Variants in ZBED4 observed in about 807,000 individuals in gnomAD.
The protein encoded by ZBED4 is zinc finger BED domain-containing protein 4.
A neutral mutation model predicts 15.5 loss-of-function variants in ZBED4; 4 were observed. The ratio of observed to expected loss-of-function variants is 0.26; its 90% CI spans 0.13 to 0.59. ZBED4 has a LOEUF of 0.59. ZBED4 is among the 20% of genes least tolerant of loss of function. The pLI, the probability that ZBED4 is intolerant of heterozygous loss-of-function variation, is 0.90. For missense variants in ZBED4, 1,323 were observed against 1,461.8 expected (o/e 0.91, Z 1.55); for synonymous variants, 692 against 608.5 (o/e 1.14, Z -2.02).
At chr22:49,877,086 T>C (rs996325463) in intron 1 of ZBED4, among the ~76,000 whole-genome samples, 1 of 152,194 alleles carries the variant, frequency 6.6e-6, no homozygotes, top group African/African-American at 2.4e-5. Context: ...AGTGTGTTTA[T>C]GTAAAAGTAA....
At chr22:49,880,420 G>C (rs1373895428) in intron 1 of ZBED4, among the ~76,000 whole-genome samples, 2 of 152,242 alleles carry the variant, frequency 1.3e-5, no homozygotes, top group Non-Finnish European at 2.9e-5. Context: ...ACATGCTCGA[G>C]ACCACCGGGC....
In ZBED4 at chr22:49,864,629, C is replaced by T. The variant is rs145679274; in HGVS notation, c.-330+10640C>T. Among the ~76,000 whole-genome samples the T allele has an allele frequency of 8.9e-3, 1,357 of 152,222 alleles. 15 individuals carry two copies. The highest frequency in any genetic ancestry group is 0.013 in the Non-Finnish European group (900 of 68,002). On this transcript the variant is annotated intron_variant, in intron 1 of 1. Transcript: ENST00000216268. ...CCTGGGAGTTTGAGACCAGCCTCAG[C>T]AACCTAGTGAGACCCCCTCTCTACA...
intron 1 of ZBED4, among the ~76,000 whole-genome samples, chr22:49,869,236 G>T (rs1350455717): frequency 1.3e-5 from 2 of 152,094 alleles, no homozygotes; most frequent in Non-Finnish European, 2.9e-5. Flanking sequence ...TTTGATTCAC[G>T]TACACACATG....
chr22:49,868,966 A>G (rs2147516809), intron 1 of ZBED4, among the ~76,000 whole-genome samples: 1 of 151,906 alleles, frequency 6.6e-6, no homozygotes, highest in East Asian at 1.9e-4. Flanking sequence ...ACAAAAAAAA[A>G]AAAAAAAATT....
At chr22:49,857,626 CTG>C (rs1256494404) in intron 1 of ZBED4, among the ~76,000 whole-genome samples, 1 of 152,208 alleles carries the variant, frequency 6.6e-6, no homozygotes, top group South Asian at 2.1e-4. Flanking sequence ...TATTCTCACT[CTG>C]TCACTCAGGC....
chr22:49,871,301 A>G (rs1412065682), intron 1 of ZBED4, among the ~76,000 whole-genome samples: 1 of 150,538 alleles, frequency 6.6e-6, no homozygotes, highest in East Asian at 2.1e-4. Context: ...AGCCTGGCCA[A>G]TGTGGTGAAA....
Position 49,883,261 on chromosome 22 carries a change from G to A in ZBED4, c.-329-73G>A, listed in dbSNP as rs5769767. ...AGTTTTTTTCTATACATATTTAGGC[G>A]GATGGAGCCATGACGGTAGAGGTTA... On this transcript the variant is annotated intron_variant, in intron 1 of 1. Coordinates refer to ENST00000216268, the MANE Select transcript of ZBED4 (RefSeq NM_014838.3). 0.65 allele frequency: 100,724 copies of A among 155,724 alleles called. 36,810 individuals are homozygous for A. The highest frequency in any genetic ancestry group is 0.85 in the East Asian group (4,636 of 5,450). 9.6% of individuals were successfully genotyped at this position (155,724 alleles called of 1,614,324 possible).
chr22:49,857,693 G>A (rs1043347359), intron 1 of ZBED4, among the ~76,000 whole-genome samples: 7 of 152,206 alleles, frequency 4.6e-5, no homozygotes, highest in Non-Finnish European at 1.5e-5. Flanking sequence ...CTGGATTCAA[G>A]TGATTCTGCT....
In ZBED4 at chr22:49,883,644, G is replaced by C; in HGVS notation, c.-19G>C. The C allele has an allele frequency of 6.6e-7, 1 of 1,524,702 alleles. No homozygotes were observed. Among genetic ancestry groups the C allele is most frequent in the Non-Finnish European group, 8.9e-7 (1 of 1,128,682 alleles). 94.4% of individuals were successfully genotyped at this position (1,524,702 alleles called of 1,614,324 possible). On this transcript the variant is annotated 5_prime_UTR_variant, in exon 2 of 2. Transcript: ENST00000216268. Reference sequence around the variant, plus strand: ...TGTTTTATGAACCTAAGATACAGCCGGAGTAGTTATGGTCAGTCATGGAGA... The same window carrying C: ...TGTTTTATGAACCTAAGATACAGCCCGAGTAGTTATGGTCAGTCATGGAGA...
Position 49,887,298 on chromosome 22 carries a change from C to A in ZBED4, c.*120C>A. 2.7e-6 allele frequency: 3 copies of A among 1,092,404 alleles called. No individual in the cohort carries two copies. Among genetic ancestry groups the A allele is most frequent in the Non-Finnish European group, 3.9e-6 (3 of 764,828 alleles). The allele number at this position is 1,092,404 out of a possible 1,614,324, so 67.7% of individuals were successfully genotyped here. A position where few individuals can be genotyped will look rare whatever the true frequency, so the allele number is the denominator to read the frequency against. On this transcript the variant is annotated 3_prime_UTR_variant, in exon 2 of 2. Transcript: ENST00000216268. ...GACATCAGACCAGGCACTCTCAGGGCCGCTCTCCAGCTCACCACAGTGTCT... is the reference window on the plus strand; with the variant it reads ...GACATCAGACCAGGCACTCTCAGGGACGCTCTCCAGCTCACCACAGTGTCT...
At chr22:49,864,070 T>C (rs1457992840) in intron 1 of ZBED4, among the ~76,000 whole-genome samples, 1 of 152,192 alleles carries the variant, frequency 6.6e-6, no homozygotes, top group Non-Finnish European at 1.5e-5. Flanking sequence ...TTTTAAGGGC[T>C]TGGAAGTTTC....
chr22:49,860,337 A>G (rs1254541327), intron 1 of ZBED4, among the ~76,000 whole-genome samples: 1 of 152,172 alleles, frequency 6.6e-6, no homozygotes, highest in African/African-American at 2.4e-5. Context: ...ACATATATAT[A>G]GTTTTACTTA....
At position 49,890,012 on chromosome 22, in the gene ZBED4, T is replaced by C. The variant is rs2060460044; in HGVS notation, c.*2834T>C. ...TACCAGTCATTATACGAAGGGACTT[T>C]AAAAAATTTGTGGAAATACTGAAGT... On this transcript the variant is annotated 3_prime_UTR_variant, in exon 2 of 2. Coordinates refer to ENST00000216268, the MANE Select transcript of ZBED4 (RefSeq NM_014838.3). The C allele has an allele frequency of 6.0e-6, 1 of 167,076 alleles. No homozygotes were observed. The allele number at this position is 167,076 out of a possible 1,614,324, so 10.3% of individuals were successfully genotyped here.
intron 1 of ZBED4, among the ~76,000 whole-genome samples, chr22:49,864,450 C>T (rs1188368787): frequency 2.0e-5 from 3 of 152,202 alleles, no homozygotes; most frequent in African/African-American, 4.8e-5. Flanking sequence ...GTAGCCATTA[C>T]GTACTACAGA....
Position 49,880,944 on chromosome 22 carries a change from A to T in ZBED4, c.-329-2390A>T, listed in dbSNP as rs151293177. On this transcript the variant is annotated intron_variant, in intron 1 of 1. Transcript: ENST00000216268. ...TCAGTATACAGGTCTTCTTTTTAAG[A>T]CCTGTATACTTGTGTACCTGTATAC... is the stretch of plus-strand genomic sequence containing the variant. Among the ~76,000 whole-genome samples the T allele has an allele frequency of 3.8e-3, 581 of 152,248 alleles. 4 individuals carry two copies. The highest frequency in any genetic ancestry group is 0.01 in the African/African-American group (427 of 41,540).
rs764701141 is a variant in ZBED4 at position 49,886,624 on chromosome 22, G to A, written c.2962G>A (p.Ala988Thr). 1.9e-6 allele frequency: 3 copies of A among 1,581,458 alleles called. No individual in the cohort carries two copies. In the East Asian group the frequency reaches 6.7e-5, roughly 35 times the overall value. ...CACCATGCTGCGCTCTCTGAAGGAG[G>A]CCATGGTGAGCCGCCTGTCTGCCAC... is the stretch of plus-strand genomic sequence containing the variant. ...IDTMLRSLKE[A>T]MVSRLSATLH... Residue 988 changes from alanine to threonine, a missense_variant, in exon 2 of 2, where the codon GCC (alanine) becomes ACC (threonine). By Grantham distance (58) the Ala-to-Thr change is moderately conservative. This residue lies in a region of ZBED4 where 312 missense variants were observed against 410.7 expected (regional missense o/e 0.76). Transcript: ENST00000216268. The surrounding 1 kb of genome is among the most constrained non-coding windows in gnomAD (Gnocchi z 7.7).
At position 49,884,993 on chromosome 22, in the gene ZBED4, G is replaced by T. The variant is rs750301949; in HGVS notation, c.1331G>T (p.Gly444Val). The change falls in exon 2 of 2, where the codon GGC (glycine) becomes GTC (valine). Residue 444 changes from glycine to valine, a missense_variant. Transcript: ENST00000216268. ...DGLSPRLFES[G>V]AIFQQNKKVM... ...CTGAGTCCTAGATTGTTTGAATCTG[G>T]CGCCATCTTCCAGCAGAATAAAAAG... The T allele has an allele frequency of 5.6e-6, 9 of 1,613,610 alleles. No homozygotes were observed. Among genetic ancestry groups the T allele is most frequent in the Non-Finnish European group, 7.6e-6 (9 of 1,179,718 alleles).
At chr22:49,883,180 A>G (rs5770750) in intron 1 of ZBED4, among the ~76,000 whole-genome samples, 154 bp from the exon 2 acceptor site, 97,902 of 152,138 alleles carry the variant, frequency 0.64, 35,694 homozygotes, top group East Asian at 0.86. Context: ...GTCATCCTGT[A>G]AACGGATTGC....
chr22:49,857,984 G>A (rs181475196), intron 1 of ZBED4, among the ~76,000 whole-genome samples: 2 of 151,364 alleles, frequency 1.3e-5, no homozygotes, highest in East Asian at 3.9e-4. Flanking sequence ...GGGTGGTCTC[G>A]ATCTCCTGAT....
Sources: gnomAD v4.1 joint callset for allele counts (sites outside exome capture counted in the v4.1 genomes callset) on GRCh38, gnomAD v4.1.1 for gene constraint, gnomAD v4.1.1 regional missense constraint, Gnocchi (gnomAD v3.1) non-coding constraint, MANE v1.5 for transcripts, NCBI Gene and HGNC (gene_info 2026-07-23, HGNC 2026-07-21) for gene names.